Variants in CSMD3 observed in about 807,000 individuals in gnomAD.
CSMD3 encodes CUB and sushi domain-containing protein 3.
Under a neutral mutation model 435.2 loss-of-function variants are expected in CSMD3, and 177 were observed. That is an observed-to-expected ratio of 0.41 (90% CI 0.36 to 0.46). The LOEUF (loss-of-function observed/expected upper bound fraction) is 0.46. Ranked by LOEUF, CSMD3 falls within the 20% of genes least tolerant of loss-of-function variation. CSMD3 has a pLI of 0.34. For missense variants in CSMD3, 4,265 were observed against 4,504.6 expected (o/e 0.95, Z 1.52); for synonymous variants, 1,656 against 1,520.5 (o/e 1.09, Z -2.07).
At chr8:112,239,065 C>T (rs570212091) in intron 66 of CSMD3, among the ~76,000 whole-genome samples, 7 of 152,194 alleles carry the variant, frequency 4.6e-5, no homozygotes, top group Non-Finnish European at 8.8e-5. Context: ...TTCTACTACT[C>T]GTACACTGCT....
At chr8:112,803,735 C>T (rs1370829989) in intron 12 of CSMD3, among the ~76,000 whole-genome samples, 3 of 152,140 alleles carry the variant, frequency 2.0e-5, no homozygotes, top group Admixed American at 6.5e-5. Context: ...GAAGCTGATG[C>T]CATTGAGAAG....
chr8:113,257,110 T>C (rs2093387538), intron 3 of CSMD3, among the ~76,000 whole-genome samples: 1 of 152,004 alleles, frequency 6.6e-6, no homozygotes, highest in Non-Finnish European at 1.5e-5. Context: ...TGGAAAAGAA[T>C]AAATAAAAAC....
At chr8:112,445,008 C>T (rs1191699464) in intron 32 of CSMD3, among the ~76,000 whole-genome samples, 3 of 151,970 alleles carry the variant, frequency 2.0e-5, no homozygotes, top group East Asian at 1.9e-4. Context: ...TTTGGGAGGC[C>T]GAAGGGGGCA....
intron 22 of CSMD3, among the ~76,000 whole-genome samples, chr8:112,636,500 CATCT>C (rs941155049): frequency 7.3e-6 from 1 of 136,350 alleles, no homozygotes; most frequent in Non-Finnish European, 1.6e-5. Flanking sequence ...CTATCTATAT[CATCT>C]ATCTTTCTCC....
At chr8:112,928,539 T>C (rs1361714732) in intron 9 of CSMD3, among the ~76,000 whole-genome samples, 1 of 151,660 alleles carries the variant, frequency 6.6e-6, no homozygotes, top group African/African-American at 2.4e-5. Flanking sequence ...TATGTGGTGT[T>C]TGGTTTTTTG....
intron 9 of CSMD3, among the ~76,000 whole-genome samples, chr8:112,933,993 T>C (rs1215479043): frequency 6.6e-6 from 1 of 152,120 alleles, no homozygotes; most frequent in African/African-American, 2.4e-5. Context: ...GCTAAGACTG[T>C]AAACTCTTGA....
chr8:113,057,812 GAATAGATATGTAGGATATGAA>G (rs1332843760), intron 5 of CSMD3, among the ~76,000 whole-genome samples: 4 of 151,708 alleles, frequency 2.6e-5, no homozygotes, highest in Admixed American at 6.6e-5. Context: ...GCAATGAGAT[GAATAGATATGTAGGATATGAA>G]AATAGATATG....
At chr8:113,348,724 T>C (rs890509142) in intron 1 of CSMD3, among the ~76,000 whole-genome samples, 20 of 149,910 alleles carry the variant, frequency 1.3e-4, no homozygotes, top group Admixed American at 7.2e-4. Context: ...ACAGTTCTTA[T>C]TGTTGTTTTG....
At chr8:112,995,314 A>G (rs1207306954) in intron 6 of CSMD3, among the ~76,000 whole-genome samples, 1 of 151,448 alleles carries the variant, frequency 6.6e-6, no homozygotes, top group East Asian at 1.9e-4. Context: ...AAAACAGAAA[A>G]TGACGGCACA....
At chr8:112,272,283 A>G (rs1237548139) in intron 59 of CSMD3, among the ~76,000 whole-genome samples, 1 of 152,184 alleles carries the variant, frequency 6.6e-6, no homozygotes, top group South Asian at 2.1e-4. Flanking sequence ...GTTGGTTTGG[A>G]AAGTTCAGCT....
intron 55 of CSMD3, 98 bp downstream of exon 55, chr8:112,292,439 C>T (rs1000610737): frequency 8.0e-7 from 1 of 1,247,270 alleles, no homozygotes; most frequent in African/African-American, 1.5e-5. Flanking sequence ...TAGATAAAAA[C>T]TTTTTACTAT....
chr8:113,376,683 C>A, intron 1 of CSMD3: 1 of 1,607,632 alleles, frequency 6.2e-7, no homozygotes, highest in Admixed American at 1.7e-5. Flanking sequence ...GAGTTGACAC[C>A]CGCCACAAGG....
intron 22 of CSMD3, among the ~76,000 whole-genome samples, chr8:112,630,320 G>T (rs1263394699): frequency 6.6e-6 from 1 of 151,900 alleles, no homozygotes; most frequent in African/African-American, 2.4e-5. Context: ...GTCCAGCTAG[G>T]AAAAAAGAGG....
At chr8:112,623,952 A>T (rs1487473031) in intron 22 of CSMD3, among the ~76,000 whole-genome samples, 1 of 152,038 alleles carries the variant, frequency 6.6e-6, no homozygotes, top group African/African-American at 2.4e-5. Flanking sequence ...AGTATCCCAA[A>T]TCTAGATGTT....
intron 12 of CSMD3, among the ~76,000 whole-genome samples, chr8:112,821,141 G>T (rs2079519626): frequency 6.6e-6 from 1 of 152,146 alleles, no homozygotes; most frequent in South Asian, 2.1e-4. Flanking sequence ...TATATAGAAT[G>T]ATTTATATTC....
At chr8:113,128,925 T>C (rs1205493539) in intron 4 of CSMD3, among the ~76,000 whole-genome samples, 1 of 152,124 alleles carries the variant, frequency 6.6e-6, no homozygotes, top group Non-Finnish European at 1.5e-5. Context: ...TATGATACTT[T>C]ATCAAATTGC....
At chr8:112,458,220 C>T (rs1004300519) in intron 32 of CSMD3, among the ~76,000 whole-genome samples, 5 of 151,862 alleles carry the variant, frequency 3.3e-5, no homozygotes, top group African/African-American at 1.2e-4. Context: ...CACACCCACA[C>T]ACACACAGAG....
intron 28 of CSMD3, among the ~76,000 whole-genome samples, chr8:112,513,440 A>G (rs562555568): frequency 7.9e-5 from 12 of 152,308 alleles, no homozygotes; most frequent in Admixed American, 7.2e-4. Flanking sequence ...GGAGCACTCA[A>G]AACACATATT....
intron 11 of CSMD3, among the ~76,000 whole-genome samples, chr8:112,851,657 A>T (rs879788821): frequency 2.0e-5 from 3 of 151,814 alleles, no homozygotes; most frequent in East Asian, 2.0e-4. Flanking sequence ...CCAGCTACTC[A>T]GGAGGCAGAG....
Sources: gnomAD v4.1 joint callset for allele counts (sites outside exome capture counted in the v4.1 genomes callset) on GRCh38, gnomAD v4.1.1 for gene constraint, MANE v1.5 for transcripts, NCBI Gene and HGNC (gene_info 2026-07-23, HGNC 2026-07-21) for gene names.